The following PTPRG variants were observed in gnomAD, a reference collection of about 807,000 sequenced individuals.
PTPRG encodes receptor-type tyrosine-protein phosphatase gamma.
A neutral mutation model predicts 165.3 loss-of-function variants in PTPRG; 102 were observed. The observed-to-expected ratio is 0.62, with a 90% CI of 0.53 to 0.73. The LOEUF (loss-of-function observed/expected upper bound fraction) is 0.73. PTPRG is among the 30% of genes least tolerant of loss of function. PTPRG has a pLI of 0.00. For missense variants in PTPRG, 1,866 were observed against 1,861.4 expected (o/e 1.00, Z -0.05); for synonymous variants, 675 against 669.5 (o/e 1.01, Z -0.13).
rs1253979173 is a variant in PTPRG at position 62,297,439 on chromosome 3, G to GA, written c.*4137dup. On this transcript the variant is annotated 3_prime_UTR_variant, in exon 30 of 30. Transcript: ENST00000474889. ...AACATTCGTCACATTGACCCATTTG[G>GA]AAAAAGTGTGCTTTTTTTTTTTTTT... 4.0e-5 allele frequency: 6 copies of GA among 150,172 alleles called. No individual in the cohort carries two copies. Among genetic ancestry groups the GA allele is most frequent in the Non-Finnish European group, 7.4e-5 (5 of 67,562 alleles). The allele number at this position is 150,172 out of a possible 1,614,324, so 9.3% of individuals were successfully genotyped here.
intron 4 of PTPRG, among the ~76,000 whole-genome samples, chr3:62,026,891 A>T (rs997515905): frequency 4.6e-5 from 7 of 150,742 alleles, no homozygotes; most frequent in African/African-American, 1.7e-4. Context: ...AAAAAAAAAA[A>T]AAAGATATAA....
At chr3:62,211,116 G>C (rs1210335787) in intron 12 of PTPRG, among the ~76,000 whole-genome samples, 1 of 152,180 alleles carries the variant, frequency 6.6e-6, no homozygotes, top group African/African-American at 2.4e-5. Context: ...GTTCATCAAT[G>C]AGTGAATGGA....
rs748977142 is a variant in PTPRG, at chr3:61,993,793, A to T, written c.370+3989A>T. 3.3e-5 allele frequency among the ~76,000 whole-genome samples: 5 copies of T among 152,022 alleles called. No individual in the cohort carries two copies. In the South Asian group the frequency reaches 6.2e-4, roughly 19 times the overall value. On this transcript the variant is annotated intron_variant, in intron 3 of 29. Coordinates refer to ENST00000474889, the MANE Select transcript of PTPRG (RefSeq NM_002841.4). ...AAGAGGGAGTATTTATTTTTTTCTGATGGAAATTTACAGGTCACTTATCTG... is the reference window on the plus strand; with the variant it reads ...AAGAGGGAGTATTTATTTTTTTCTGTTGGAAATTTACAGGTCACTTATCTG...
At chr3:61,624,707 G>A (rs1440340889) in intron 1 of PTPRG, among the ~76,000 whole-genome samples, 1 of 152,174 alleles carries the variant, frequency 6.6e-6, no homozygotes, top group African/African-American at 2.4e-5. Flanking sequence ...GAGCATAATA[G>A]TACTCACCTT....
intron 2 of PTPRG, among the ~76,000 whole-genome samples, chr3:61,899,405 A>G (rs1180748984): frequency 6.6e-6 from 1 of 152,204 alleles, no homozygotes; most frequent in African/African-American, 2.4e-5. Flanking sequence ...TTTTCAGGAA[A>G]AAATCCAAAA....
At position 61,787,518 on chromosome 3, in the gene PTPRG, G is replaced by T. The variant is rs189976353; in HGVS notation, c.190+38536G>T. ...GTGGTATCATTAGTTTCGCTTTTCA[G>T]TGATCTGTGAAGTAAAGAGCCCCTA... On this transcript the variant is annotated intron_variant, in intron 2 of 29. Transcript: ENST00000474889. Among the ~76,000 whole-genome samples, 136 of 152,282 alleles carry T rather than the reference G, an allele frequency of 8.9e-4. 2 individuals carry two copies. Among genetic ancestry groups the T allele is most frequent in the African/African-American group, 2.8e-3 (117 of 41,570 alleles).
chr3:61,779,512 G>A (rs1206034308), intron 2 of PTPRG, among the ~76,000 whole-genome samples: 1 of 152,092 alleles, frequency 6.6e-6, no homozygotes, highest in African/African-American at 2.4e-5. Flanking sequence ...TCCCTAAGGT[G>A]AGCCTTTTTT....
intron 2 of PTPRG, among the ~76,000 whole-genome samples, chr3:61,752,565 G>C (rs2033473592): frequency 6.6e-6 from 1 of 151,938 alleles, no homozygotes; most frequent in African/African-American, 2.4e-5. Context: ...GGCCGAGGCG[G>C]GCAGATCACG....
At chr3:61,811,044 T>C (rs1477030419) in intron 2 of PTPRG, among the ~76,000 whole-genome samples, 1 of 152,198 alleles carries the variant, frequency 6.6e-6, no homozygotes, top group Admixed American at 6.5e-5. Flanking sequence ...TGTTCGAATG[T>C]GACACTTTCT....
intron 26 of PTPRG, among the ~76,000 whole-genome samples, chr3:62,278,456 G>C (rs887254848): frequency 6.6e-6 from 1 of 151,864 alleles, no homozygotes; most frequent in Non-Finnish European, 1.5e-5. Flanking sequence ...AGACTTAAAT[G>C]TTTCTGCTTA....
At chr3:61,856,799 T>C (rs1339933052) in intron 2 of PTPRG, among the ~76,000 whole-genome samples, 4 of 152,202 alleles carry the variant, frequency 2.6e-5, no homozygotes, top group African/African-American at 4.8e-5. Context: ...GAAGAATTAG[T>C]AATTAATGCT....
At chr3:61,813,515 CAA>C (rs552214510) in intron 2 of PTPRG, among the ~76,000 whole-genome samples, 2 of 57,892 alleles carry the variant, frequency 3.5e-5, no homozygotes, top group Admixed American at 4.1e-4. Context: ...GACTCCGTCT[CAA>C]AAAAAAAAAA....
chr3:61,934,138 C>G (rs2039429413), intron 2 of PTPRG, among the ~76,000 whole-genome samples: 1 of 152,126 alleles, frequency 6.6e-6, no homozygotes, highest in East Asian at 1.9e-4. Flanking sequence ...CTAACAAGAA[C>G]AAAAGAAAGG....
chr3:61,606,827 T>G (rs575120086), intron 1 of PTPRG, among the ~76,000 whole-genome samples: 13 of 152,298 alleles, frequency 8.5e-5, no homozygotes, highest in African/African-American at 3.1e-4. Flanking sequence ...CCTCATCACC[T>G]CTTAAGGGCC....
At chr3:62,267,900 A>G (rs904559412) in intron 19 of PTPRG, 81 bp downstream of exon 19, 10 of 1,484,880 alleles carry the variant, frequency 6.7e-6, no homozygotes, top group Non-Finnish European at 9.1e-6. Context: ...TAGGGTAGGA[A>G]CTTGACAAGG....
intron 1 of PTPRG, among the ~76,000 whole-genome samples, chr3:61,704,751 C>G (rs1236680623): frequency 6.6e-6 from 1 of 152,152 alleles, no homozygotes; most frequent in Non-Finnish European, 1.5e-5. Flanking sequence ...CTAACAAAGC[C>G]CTGGTAGCAA....
chr3:61,750,658 C>A (rs2033390631), intron 2 of PTPRG: 1 of 152,238 alleles, frequency 6.6e-6, no homozygotes, highest in South Asian at 2.1e-4. Context: ...TTTGTTGCAA[C>A]TGCCCAACTC....
rs180953645 is a variant in PTPRG at position 62,296,103 on chromosome 3, A to G, written c.*2796A>G. On this transcript the variant is annotated 3_prime_UTR_variant, in exon 30 of 30. Transcript: ENST00000474889. Reference sequence around the variant, plus strand: ...ATCAGACCAAGTGGCTGTGCTGGACATCAAAGAAAAGACATGCTGTTGCCA... The same window carrying G: ...ATCAGACCAAGTGGCTGTGCTGGACGTCAAAGAAAAGACATGCTGTTGCCA... 16 of 152,240 alleles carry G rather than the reference A, an allele frequency of 1.1e-4. No individual in the cohort carries two copies. The East Asian group carries it at 3.1e-3, about 29-fold the overall frequency. 9.4% of individuals were successfully genotyped at this position (152,240 alleles called of 1,614,324 possible).
intron 2 of PTPRG, among the ~76,000 whole-genome samples, chr3:61,797,607 C>G (rs2035092484): frequency 6.6e-6 from 1 of 150,576 alleles, no homozygotes; most frequent in South Asian, 2.1e-4. Flanking sequence ...CCACCTCCCG[C>G]CTTCCTTTGT....
Sources: gnomAD v4.1 joint callset for allele counts (sites outside exome capture counted in the v4.1 genomes callset) on GRCh38, gnomAD v4.1.1 for gene constraint, MANE v1.5 for transcripts, NCBI Gene and HGNC (gene_info 2026-07-23, HGNC 2026-07-21) for gene names.